The following SCYL1 variants were observed in gnomAD, a reference collection of about 807,000 sequenced individuals.
The protein encoded by SCYL1 is N-terminal kinase-like protein.
A neutral mutation model predicts 94.8 loss-of-function variants in SCYL1; 85 were observed. The observed-to-expected ratio is 0.90, with a 90% CI of 0.75 to 1.07. The LOEUF is 1.07. Among genes scored for constraint, SCYL1 ranks in the 50% least tolerant of loss-of-function variants. SCYL1 has a pLI of 0.00. For missense variants in SCYL1, 968 were observed against 1,083.3 expected, an observed-to-expected ratio of 0.89 and a Z score of 1.49; for synonymous variants, 459 against 435.5, an observed-to-expected ratio of 1.05 and a Z score of -0.67.
chr11:65,533,978 CCA>C (rs2135073276), intron 9 of SCYL1, among the ~76,000 whole-genome samples: 1 of 152,220 alleles, frequency 6.6e-6, no homozygotes, highest in African/African-American at 2.4e-5. Context: ...ACCTGTAATC[CCA>C]GACTTTGGGA....
intron 6 of SCYL1, 26 bp from the exon 7 acceptor site, chr11:65,530,603 C>T (rs776142203): frequency 1.2e-6 from 2 of 1,601,030 alleles, no homozygotes; most frequent in Admixed American, 3.4e-5. Context: ...TGATCTCTTC[C>T]CCGGGTCCCG....
At chr11:65,531,413 G>C (rs1855353972) in intron 7 of SCYL1, among the ~76,000 whole-genome samples, 163 bp from the exon 8 acceptor site, 1 of 152,140 alleles carries the variant, frequency 6.6e-6, no homozygotes, top group African/African-American at 2.4e-5. Context: ...TAAGGGCAAG[G>C]CTGAGATGGA....
chr11:65,537,006 A>G lies in SCYL1; in HGVS notation c.1837A>G (p.Thr613Ala). Residue 613 changes from threonine to alanine, a missense_variant, in exon 14 of 18, where the codon ACC (threonine) becomes GCC (alanine). Around this residue, in one of 2 missense-constraint regions of SCYL1, gnomAD observed 474 missense variants for 463.6 expected, o/e 1.02. Coordinates refer to ENST00000270176, the MANE Select transcript of SCYL1 (RefSeq NM_020680.4). ...TPEGVPAPAP[T>A]PVPATPTTSG... ...CCCAGGAGTTCCTGCCCCAGCCCCC[A>G]CCCCTGTTCCTGCCACCCCTACAAC... 1 of 1,497,796 alleles carries G rather than the reference A, an allele frequency of 6.7e-7. No homozygotes were observed. Among genetic ancestry groups the G allele is most frequent in the Non-Finnish European group, 9.1e-7 (1 of 1,097,700 alleles). The allele number at this position is 1,497,796 out of a possible 1,614,324, so 92.8% of individuals were successfully genotyped here.
Position 65,536,148 on chromosome 11 carries a change from C to T in SCYL1, c.1575+7C>T. Reference sequence around the variant, plus strand: ...GAAATCCGTGCGAGACCAGGTGAGGCACAGCTGGGCCTGGGCCCTGGGCTG... The same window carrying T: ...GAAATCCGTGCGAGACCAGGTGAGGTACAGCTGGGCCTGGGCCCTGGGCTG... On this transcript the variant is annotated splice_region_variant and intron_variant, in intron 11 of 17. Coordinates refer to ENST00000270176, the MANE Select transcript of SCYL1 (RefSeq NM_020680.4). 1 of 1,611,852 alleles carries T rather than the reference C, an allele frequency of 6.2e-7. No homozygotes were observed. The highest frequency in any genetic ancestry group is 8.5e-7 in the Non-Finnish European group (1 of 1,178,556).
At chr11:65,529,166 C>T (rs1855243944) in intron 6 of SCYL1, among the ~76,000 whole-genome samples, 1 of 152,148 alleles carries the variant, frequency 6.6e-6, no homozygotes, top group Non-Finnish European at 1.5e-5. Flanking sequence ...CCTGACCCAG[C>T]AGAGGTCATG....
Position 65,526,705 on chromosome 11 carries a change from G to T in SCYL1, c.603-78G>T. 1 of 1,389,142 alleles carries T rather than the reference G, an allele frequency of 7.2e-7. No individual in the cohort carries two copies. The highest frequency in any genetic ancestry group is 1.9e-5 in the Admixed American group (1 of 53,294). 86.1% of individuals were successfully genotyped at this position (1,389,142 alleles called of 1,614,324 possible). On this transcript the variant is annotated intron_variant, in intron 4 of 17. Coordinates refer to ENST00000270176, the MANE Select transcript of SCYL1 (RefSeq NM_020680.4). This position sits in a 1 kb window ranked among gnomAD's most constrained non-coding sequence, Gnocchi z 4.1. The stretch of plus-strand genomic sequence containing the variant: ...ATAGCCAGGCCCTGGCATGCAGTGG[G>T]TGCCTGGTGCCCAAGGCAGGCTGGA...
Position 65,536,567 on chromosome 11 carries a change from C to T in SCYL1, c.1652-19C>T, listed in dbSNP as rs1855654522. On this transcript the variant is annotated intron_variant, in intron 12 of 17. Coordinates refer to ENST00000270176, the MANE Select transcript of SCYL1 (RefSeq NM_020680.4). ...GCCTGACGTGCCCATACCCACCTCT[C>T]TCTCATGCCACTGCCCAGAGAAGGA... 1 of 1,613,608 alleles carries T rather than the reference C, an allele frequency of 6.2e-7. No homozygotes were observed. The highest frequency in any genetic ancestry group is 1.7e-5 in the Admixed American group (1 of 60,010).
At chr11:65,537,932 GCC>G in intron 15 of SCYL1, 33 bp from the exon 16 acceptor site, 1 of 1,589,440 alleles carries the variant, frequency 6.3e-7, no homozygotes, top group Non-Finnish European at 8.6e-7. Flanking sequence ...TCCTCCTTGG[GCC>G]CAGGGCTACT....
chr11:65,534,516 C>T (rs1855548044), intron 9 of SCYL1, among the ~76,000 whole-genome samples: 1 of 152,144 alleles, frequency 6.6e-6, no homozygotes, highest in Non-Finnish European at 1.5e-5. Flanking sequence ...GCATGTTGGG[C>T]CCCATCTTGG....
chr11:65,534,343 C>T (rs749852606), intron 9 of SCYL1, among the ~76,000 whole-genome samples: 11 of 151,988 alleles, frequency 7.2e-5, no homozygotes, highest in African/African-American at 1.2e-4. Context: ...ACCCAGGAGG[C>T]AGAGGTTGCA....
chr11:65,526,785 C>A lies in SCYL1; in HGVS notation c.605C>A (p.Ser202Ter). 6.2e-7 allele frequency: 1 copy of A among 1,612,204 alleles called. No individual in the cohort carries two copies. The highest frequency in any genetic ancestry group is 1.1e-5 in the South Asian group (1 of 90,998). Residue 202 changes from serine (S) to a stop codon, truncating the protein, a stop_gained and splice_region_variant, in exon 5 of 18, where the codon TCA becomes TAA. Transcript: ENST00000270176. LOFTEE classifies it high-confidence loss of function. The surrounding 1 kb of genome is among the most constrained non-coding windows in gnomAD (Gnocchi z 4.1). ...AGAGCTCTGGGTCACTGCCACAGGT[C>A]AGCAGACATGTGGCGCTTGGGCTGC... ...SSGRVVREKW[S>*]ADMWRLGCLI...
In SCYL1 at chr11:65,525,636, C is replaced by T. The variant is rs780271131; in HGVS notation, c.174C>T (p.Thr58=). Residue 58 remains threonine (T), a synonymous_variant, in exon 2 of 18, where the codon ACC becomes ACT. Coordinates refer to ENST00000270176, the MANE Select transcript of SCYL1 (RefSeq NM_020680.4). ...YDVKPGAEEQ[T]QVAKAAFKRF... ...TGAAGCCTGGCGCGGAAGAGCAGAC[C>T]CAGGTGGCCAAAGCTGCCTTCAAGC... is the stretch of plus-strand genomic sequence containing the variant. The T allele has an allele frequency of 1.7e-5, 27 of 1,612,794 alleles. No homozygotes were observed. The South Asian group carries it at 2.9e-4, about 17-fold the overall frequency.
intron 7 of SCYL1, 90 bp downstream of exon 7, chr11:65,530,877 A>C: frequency 7.0e-7 from 1 of 1,438,532 alleles, no homozygotes; most frequent in South Asian, 1.4e-5. Flanking sequence ...TGTTTAGGGC[A>C]GACCCAAGCC....
rs1855693887 is a variant in SCYL1, at chr11:65,537,003, C to G, written c.1834C>G (p.Pro612Ala). Residue 612 changes from proline to alanine, a missense_variant, in exon 14 of 18, where the codon CCC (proline) becomes GCC (alanine). Transcript: ENST00000270176. ...PTPEGVPAPAPTPVPATPTTS... is the reference protein window; with the variant it reads ...PTPEGVPAPAATPVPATPTTS... ...CTCCCCAGGAGTTCCTGCCCCAGCC[C>G]CCACCCCTGTTCCTGCCACCCCTAC... The G allele has an allele frequency of 6.2e-7, 1 of 1,612,306 alleles. No individual in the cohort carries two copies. The highest frequency in any genetic ancestry group is 8.5e-7 in the Non-Finnish European group (1 of 1,178,826).
chr11:65,536,660 G>A lies in SCYL1; in HGVS notation c.1726G>A (p.Gly576Arg), dbSNP rs1207532418. 5.6e-6 allele frequency: 9 copies of A among 1,613,912 alleles called. No individual in the cohort carries two copies. The highest frequency in any genetic ancestry group is 2.2e-5 in the East Asian group (1 of 44,892). Reference protein sequence around the residue: ...AASWAGWAVTGVSSLTSKLIR... With the variant: ...AASWAGWAVTRVSSLTSKLIR... ...TAGCTGGGCAGGCTGGGCCGTGACC[G>A]GGGTCTCCTCACTCACCTCCAAGCT... The change falls in exon 13 of 18, where the codon GGG becomes AGG. Residue 576 changes from glycine to arginine, a missense_variant. Around this residue, in one of 2 missense-constraint regions of SCYL1, gnomAD observed 474 missense variants for 463.6 expected, o/e 1.02. Transcript: ENST00000270176.
At position 65,536,630 on chromosome 11, in the gene SCYL1, G is replaced by C. The variant is rs752438867; in HGVS notation, c.1696G>C (p.Ala566Pro). 8.7e-6 allele frequency: 14 copies of C among 1,613,960 alleles called. No homozygotes were observed. The highest frequency in any genetic ancestry group is 5.3e-5 in the African/African-American group (4 of 74,908). The change falls in exon 13 of 18, where the codon GCA (alanine) becomes CCA (proline). Residue 566 changes from alanine (A) to proline (P), a missense_variant. Around this residue, in one of 2 missense-constraint regions of SCYL1, gnomAD observed 474 missense variants for 463.6 expected, o/e 1.02. Coordinates refer to ENST00000270176, the MANE Select transcript of SCYL1 (RefSeq NM_020680.4). ...AASSPGMGGAAASWAGWAVTG... is the reference protein window; with the variant it reads ...AASSPGMGGAPASWAGWAVTG... ...CTCCAGCCCTGGCATGGGAGGAGCC[G>C]CAGCTAGCTGGGCAGGCTGGGCCGT... is the stretch of plus-strand genomic sequence containing the variant.
Position 65,526,271 on chromosome 11 carries a change from C to T in SCYL1, c.523C>T (p.Arg175Cys), listed in dbSNP as rs573532447. 9.9e-6 allele frequency: 16 copies of T among 1,612,860 alleles called. No individual in the cohort carries two copies. The highest frequency in any genetic ancestry group is 6.7e-5 in the African/African-American group (5 of 75,050). The change falls in exon 4 of 18, where the codon CGC becomes TGC. Residue 175 changes from arginine (R) to cysteine (C), a missense_variant. Physicochemically the swap from Arg to Cys is radical, Grantham distance 180. Around this residue, in one of 2 missense-constraint regions of SCYL1, gnomAD observed 494 missense variants for 619.7 expected, o/e 0.80. Coordinates refer to ENST00000270176, the MANE Select transcript of SCYL1 (RefSeq NM_020680.4). The surrounding 1 kb of genome is among the most constrained non-coding windows in gnomAD (Gnocchi z 4.1). ...SAQGNGGGPP[R>C]KGIPELEQYD... The stretch of plus-strand genomic sequence containing the variant: ...CCAGGGCAACGGTGGGGGACCTCCC[C>T]GCAAGGGGATCCCCGAGCTTGAGCA...
intron 8 of SCYL1, 140 bp from the exon 9 acceptor site, chr11:65,532,552 C>T (rs1855439109): frequency 8.7e-6 from 6 of 685,792 alleles, no homozygotes; most frequent in Admixed American, 4.3e-5. Context: ...TGAGGCCAAA[C>T]ACCTGGGTGG....
At chr11:65,534,438 A>C (rs910876542) in intron 9 of SCYL1, among the ~76,000 whole-genome samples, 7 of 152,084 alleles carry the variant, frequency 4.6e-5, no homozygotes, top group African/African-American at 1.7e-4. Context: ...CGGAGACGAG[A>C]GTGGCTCTGA....
Sources: allele counts gnomAD v4.1 joint callset (sites outside exome capture counted in the v4.1 genomes callset), GRCh38; gene constraint gnomAD v4.1.1; regional missense constraint gnomAD v4.1.1; non-coding constraint Gnocchi (gnomAD v3.1); transcripts MANE v1.5; gene names NCBI Gene and HGNC (gene_info 2026-07-23, HGNC 2026-07-21).